POLD1: variants seen among roughly 807,000 people sequenced by gnomAD.
POLD1 encodes DNA polymerase delta catalytic subunit.
POLD1 carries 79 observed loss-of-function variants against 129.7 expected under a neutral mutation model. The observed-to-expected ratio is 0.61, with a 90% CI of 0.51 to 0.73. POLD1 has a LOEUF of 0.73. Ranked by LOEUF, POLD1 falls within the 30% of genes least tolerant of loss-of-function variation. POLD1 has a pLI of 0.00. For missense variants in POLD1, 1,338 were observed against 1,595.8 expected (o/e 0.84, Z 2.75); for synonymous variants, 714 against 683.3 (o/e 1.04, Z -0.70).
intron 1 of POLD1, chr19:50,395,254 A>G (rs1166523181): frequency 2.2e-5 from 3 of 137,774 alleles, no homozygotes; most frequent in Admixed American, 2.1e-4. Flanking sequence ...GGTACTTTTT[A>G]AAAACTTCTT....
chr19:50,404,578 T>C (rs74182444), intron 10 of POLD1, among the ~76,000 whole-genome samples: 1,989 of 114,634 alleles, frequency 0.017, 32 homozygotes, highest in Non-Finnish European at 0.024. Flanking sequence ...CTCTTTCTTT[T>C]TTTTTTTTTT....
chr19:50,401,665 TACAGGGGCAGGAGTGC>T, intron 3 of POLD1, 97 bp from the exon 4 acceptor site: 1 of 1,163,208 alleles, frequency 8.6e-7, no homozygotes, highest in Non-Finnish European at 1.3e-6. Flanking sequence ...CAGGGAACGG[TACAGGGGCAGGAGTGC>T]CCCAGGCTGC....
intron 22 of POLD1, 167 bp from the exon 23 acceptor site, chr19:50,416,229 G>C: frequency 1.5e-6 from 1 of 655,284 alleles, no homozygotes; most frequent in South Asian, 1.9e-5. Context: ...TACAGACTCT[G>C]TGGCCCAGAG....
intron 1 of POLD1, among the ~76,000 whole-genome samples, chr19:50,398,009 A>G (rs942763722): frequency 6.6e-6 from 1 of 152,198 alleles, no homozygotes; most frequent in African/African-American, 2.4e-5. Context: ...GGAACTCTCA[A>G]ATTACTCAGG....
At position 50,413,420 on chromosome 19, in the gene POLD1, C is replaced by T. The variant is rs112481714; in HGVS notation, c.2155-6C>T. Reference sequence around the variant, plus strand: ...GCTTCACTCCGCATGATTCTCTCCCCGACAGAGCGTCACGGGGTTCGGACG... The same window carrying T: ...GCTTCACTCCGCATGATTCTCTCCCTGACAGAGCGTCACGGGGTTCGGACG... On this transcript the variant is annotated splice_region_variant and splice_polypyrimidine_tract_variant and intron_variant, in intron 17 of 26. Transcript: ENST00000440232. The T allele has an allele frequency of 4.6e-5, 74 of 1,611,758 alleles. No individual in the cohort carries two copies. Among genetic ancestry groups the T allele is most frequent in the Admixed American group, 1.5e-4 (9 of 59,918 alleles).
chr19:50,401,387 A>G (rs1346540851), intron 3 of POLD1, among the ~76,000 whole-genome samples: 4 of 59,188 alleles, frequency 6.8e-5, no homozygotes, highest in African/African-American at 2.3e-4. Flanking sequence ...ATATATATAT[A>G]TATATTTTTT....
chr19:50,394,497 CA>C (rs1188049102), intron 1 of POLD1, among the ~76,000 whole-genome samples: 2 of 150,714 alleles, frequency 1.3e-5, no homozygotes, highest in African/African-American at 2.4e-5. Context: ...ACTAAAAATA[CA>C]AAAAAAAATT....
intron 1 of POLD1, among the ~76,000 whole-genome samples, chr19:50,396,404 T>G (rs2038367294): frequency 6.6e-6 from 1 of 151,866 alleles, no homozygotes; most frequent in Admixed American, 6.6e-5. Flanking sequence ...AACTTTTATA[T>G]TGTATATCTT....
chr19:50,402,964 A>G, intron 8 of POLD1, 89 bp from the exon 9 acceptor site: 1 of 1,487,152 alleles, frequency 6.7e-7, no homozygotes, highest in Non-Finnish European at 9.1e-7. Flanking sequence ...GGCAGCGGGG[A>G]CAGCCCCGGG....
At chr19:50,407,725 ATTTT>A (rs571759517) in intron 14 of POLD1, among the ~76,000 whole-genome samples, 1 of 95,332 alleles carries the variant, frequency 1.0e-5, no homozygotes, top group Non-Finnish European at 2.1e-5. Context: ...CGCCTGGCTA[ATTTT>A]TTTTTTTTTT....
Position 50,409,815 on chromosome 19 carries a change from A to C in POLD1, c.2154+149A>C, listed in dbSNP as rs991854141. ...GAGAGGATGCCAATGTGGCTTGAGC[A>C]ATTGGTCCATTCCTTCACTCAGCAA... On this transcript the variant is annotated intron_variant, in intron 17 of 26. Transcript: ENST00000440232. The surrounding 1 kb of genome is among the most constrained non-coding windows in gnomAD (Gnocchi z 5.8). 1 of 836,110 alleles carries C rather than the reference A, an allele frequency of 1.2e-6. No homozygotes were observed. Among genetic ancestry groups the C allele is most frequent in the Non-Finnish European group, 1.9e-6 (1 of 539,886 alleles). The allele number at this position is 836,110 out of a possible 1,614,324, so 51.8% of individuals were successfully genotyped here.
rs2039246035 is a variant in POLD1 at position 50,415,486 on chromosome 19, G to C, written c.2613G>C (p.Leu871=). 3 of 1,613,296 alleles carry C rather than the reference G, an allele frequency of 1.9e-6. No individual in the cohort carries two copies. Among genetic ancestry groups the C allele is most frequent in the Non-Finnish European group, 2.5e-6 (3 of 1,179,904 alleles). ...ACGCACAGGACGTCATCTCGGACCT[G>C]CTGTGCAACCGCATCGATATCTCCC... ...VAHAQDVISD[L]LCNRIDISQL... is the part of the protein sequence containing the mutation. Residue 871 remains leucine (L), a synonymous_variant, in exon 21 of 27, where the codon CTG becomes CTC. Coordinates refer to ENST00000440232, the MANE Select transcript of POLD1 (RefSeq NM_002691.4).
chr19:50,402,729 G>A lies in POLD1; in HGVS notation c.958G>A (p.Ala320Thr), dbSNP rs1488821062. 5.7e-6 allele frequency: 9 copies of A among 1,592,496 alleles called. No homozygotes were observed. The highest frequency in any genetic ancestry group is 1.7e-5 in the Admixed American group (1 of 59,296). The change falls in exon 8 of 27, where the codon GCC becomes ACC. Residue 320 changes from alanine to threonine, a missense_variant. Ala to Thr is a moderately conservative substitution (Grantham distance 58, BLOSUM62 0). Transcript: ENST00000440232. ...CGTGCTCAGCTTCGATATCGAGTGC[G>A]CCGGCCGCAAAGGTCTGTCCCCGGG... ...LRVLSFDIEC[A>T]GRKGIFPEPE...
chr19:50,409,273 G>C lies in POLD1; in HGVS notation c.2006+38G>C. Reference sequence around the variant, plus strand: ...GATCGCCTGCTTGGAGCTCAGACCTGTTGGGGCCTCTGGGCAATCCCTGTC... The same window carrying C: ...GATCGCCTGCTTGGAGCTCAGACCTCTTGGGGCCTCTGGGCAATCCCTGTC... On this transcript the variant is annotated intron_variant, in intron 16 of 26. Transcript: ENST00000440232. The surrounding 1 kb of genome is among the most constrained non-coding windows in gnomAD (Gnocchi z 5.8). The C allele has an allele frequency of 2.8e-6, 4 of 1,445,140 alleles. No individual in the cohort carries two copies. The highest frequency in any genetic ancestry group is 2.9e-6 in the Non-Finnish European group (3 of 1,028,722). The allele number at this position is 1,445,140 out of a possible 1,614,324, so 89.5% of individuals were successfully genotyped here. A position where few individuals can be genotyped will look rare whatever the true frequency, so the allele number is the denominator to read the frequency against.
At chr19:50,398,813 C>T (rs1473373667) in intron 1 of POLD1, 38 bp from the exon 2 acceptor site, 23 of 1,594,292 alleles carry the variant, frequency 1.4e-5, no homozygotes, top group Admixed American at 5.3e-5. Context: ...GAGGTGTCTC[C>T]GGTCAGAACC....
At chr19:50,416,001 T>C (rs1204287544) in intron 22 of POLD1, 175 bp downstream of exon 22, 1 of 593,228 alleles carries the variant, frequency 1.7e-6, no homozygotes, top group East Asian at 2.8e-5. Context: ...CCCCCCTCTA[T>C]TCTGACCCCT....
At position 50,413,791 on chromosome 19, in the gene POLD1, C is replaced by T. The variant is rs556196668; in HGVS notation, c.2300C>T (p.Ser767Leu). The T allele has an allele frequency of 1.4e-5, 23 of 1,612,268 alleles. No homozygotes were observed. Among genetic ancestry groups the T allele is most frequent in the Admixed American group, 3.3e-5 (2 of 59,916 alleles). The change falls in exon 19 of 27, where the codon TCG (serine) becomes TTG (leucine). Residue 767 changes from serine to leucine, a missense_variant. Transcript: ENST00000440232. ...DSVMCRFGVS[S>L]VAEAMALGRE... ...GTCATGTGCCGATTCGGCGTGTCCT[C>T]GGTGGCTGAGGCGATGGCCCTGGGG...
Position 50,415,779 on chromosome 19 carries a change from G to A in POLD1, c.2773G>A (p.Val925Met), listed in dbSNP as rs746950229. Residue 925 changes from valine to methionine, a missense_variant, in exon 22 of 27, where the codon GTG (valine) becomes ATG (methionine). Around this residue, in one of 3 missense-constraint regions of POLD1, gnomAD observed 286 missense variants for 277.5 expected, o/e 1.03. Coordinates refer to ENST00000440232, the MANE Select transcript of POLD1 (RefSeq NM_002691.4). ...APSLGDRVPYVIISAAKGVAA... is the reference protein window; with the variant it reads ...APSLGDRVPYMIISAAKGVAA... ...CAGCCTGGGCGACCGCGTCCCCTAC[G>A]TGATCATCAGTGCCGCCAAGGGTGT... is the stretch of plus-strand genomic sequence containing the variant. 22 of 1,566,450 alleles carry A rather than the reference G, an allele frequency of 1.4e-5. No individual in the cohort carries two copies. The East Asian group carries it at 2.1e-4, about 15-fold the overall frequency.
rs55804623 is a variant in POLD1 at position 50,413,348 on chromosome 19, G to A, written c.2155-78G>A. On this transcript the variant is annotated intron_variant, in intron 17 of 26. Transcript: ENST00000440232. ...TATGCCACTGGGAAATGGCAGAGGCGGGACCCCTCCCCCGCCGGCCCACGT... is the reference window on the plus strand; with the variant it reads ...TATGCCACTGGGAAATGGCAGAGGCAGGACCCCTCCCCCGCCGGCCCACGT... The A allele has an allele frequency of 5.8e-4, 697 of 1,202,532 alleles. 7 individuals carry two copies. In the African/African-American group the frequency reaches 9.1e-3, roughly 16 times the overall value. 74.5% of individuals were successfully genotyped at this position (1,202,532 alleles called of 1,614,324 possible).
Sources: gnomAD v4.1 joint callset for allele counts (sites outside exome capture counted in the v4.1 genomes callset) on GRCh38, gnomAD v4.1.1 for gene constraint, gnomAD v4.1.1 regional missense constraint, Gnocchi (gnomAD v3.1) non-coding constraint, MANE v1.5 for transcripts, NCBI Gene and HGNC (gene_info 2026-07-23, HGNC 2026-07-21) for gene names.